TMEM135: variants seen among roughly 807,000 people sequenced by gnomAD.
TMEM135 encodes the protein transmembrane protein 135.
Under a neutral mutation model 60.3 loss-of-function variants are expected in TMEM135, and 30 were observed. The ratio of observed to expected loss-of-function variants is 0.50; its 90% CI spans 0.37 to 0.68. The LOEUF is 0.68. Among genes scored for constraint, TMEM135 ranks in the 30% least tolerant of loss-of-function variants. TMEM135 has a pLI of 0.00. For synonymous variants in TMEM135, 190 were observed against 186.7 expected, an observed-to-expected ratio of 1.02 and a Z score of -0.14; for missense variants, 468 against 548.8, an observed-to-expected ratio of 0.85 and a Z score of 1.47.
chr11:87,137,025 A>G (rs747528685), intron 4 of TMEM135, among the ~76,000 whole-genome samples: 1 of 152,082 alleles, frequency 6.6e-6, no homozygotes, highest in Non-Finnish European at 1.5e-5. Context: ...CCAGGCTCAC[A>G]TCTTTACTGA....
At chr11:87,096,174 G>GA in intron 4 of TMEM135, 1 of 263,818 alleles carries the variant, frequency 3.8e-6, no homozygotes. Context: ...TGGAAAACTA[G>GA]CAAAAGTTTT....
intron 4 of TMEM135, chr11:87,121,362 G>A (rs1274660290): frequency 6.6e-6 from 1 of 152,148 alleles, no homozygotes; most frequent in Non-Finnish European, 1.5e-5. Flanking sequence ...TCAGTATAAT[G>A]TAGAAGAATA....
At chr11:87,256,245 T>C (rs1022726016) in intron 6 of TMEM135, among the ~76,000 whole-genome samples, 1 of 152,184 alleles carries the variant, frequency 6.6e-6, no homozygotes, top group African/African-American at 2.4e-5. Flanking sequence ...TATATAAACT[T>C]ACATACCTTT....
intron 6 of TMEM135, among the ~76,000 whole-genome samples, chr11:87,281,609 CT>C (rs1942061349): frequency 6.6e-6 from 1 of 152,176 alleles, no homozygotes; most frequent in Non-Finnish European, 1.5e-5. Context: ...CAATTATATA[CT>C]TGGCGTGTAT....
intron 5 of TMEM135, among the ~76,000 whole-genome samples, chr11:87,198,615 A>T: frequency 8.1e-6 from 1 of 123,810 alleles, no homozygotes; most frequent in Non-Finnish European, 1.6e-5. Context: ...CTTCCTTTCC[A>T]TCTCCTCTTT....
intron 5 of TMEM135, among the ~76,000 whole-genome samples, chr11:87,191,124 C>T (rs1429007554): frequency 6.6e-6 from 1 of 152,154 alleles, no homozygotes; most frequent in Non-Finnish European, 1.5e-5. Context: ...CTTGACCTCT[C>T]CATAAGTTTG....
At chr11:87,282,562 G>A (rs61904505) in intron 6 of TMEM135, among the ~76,000 whole-genome samples, 52 of 152,160 alleles carry the variant, frequency 3.4e-4, no homozygotes, top group South Asian at 1.0e-3. Context: ...CACCGCATCC[G>A]GCCAACACTG....
chr11:87,046,212 C>T (rs892081542), intron 1 of TMEM135, among the ~76,000 whole-genome samples: 4 of 152,104 alleles, frequency 2.6e-5, no homozygotes, highest in African/African-American at 9.7e-5. Context: ...TCGAGACCAG[C>T]CTGGTCAAAT....
chr11:87,254,937 C>A (rs888716979), intron 6 of TMEM135, among the ~76,000 whole-genome samples: 1 of 151,922 alleles, frequency 6.6e-6, no homozygotes, highest in Non-Finnish European at 1.5e-5. Context: ...CCCAGGGGTT[C>A]GATACCAGCT....
intron 1 of TMEM135, among the ~76,000 whole-genome samples, chr11:87,066,010 G>T (rs181924127): frequency 6.6e-6 from 1 of 152,288 alleles, no homozygotes; most frequent in Admixed American, 6.5e-5. Flanking sequence ...TTTTGCCTGT[G>T]TATGAGAGTT....
intron 5 of TMEM135, among the ~76,000 whole-genome samples, chr11:87,210,168 A>G (rs931513563): frequency 6.6e-6 from 1 of 152,174 alleles, no homozygotes; most frequent in African/African-American, 2.4e-5. Flanking sequence ...CCTAAATTAG[A>G]GCTGAACTGA....
At chr11:87,040,119 G>T (rs1426356561) in intron 1 of TMEM135, among the ~76,000 whole-genome samples, 1 of 152,200 alleles carries the variant, frequency 6.6e-6, no homozygotes, top group Non-Finnish European at 1.5e-5. Flanking sequence ...AATAAAATTA[G>T]TGGGAACTGA....
At chr11:87,250,435 C>G (rs540557166) in intron 6 of TMEM135, among the ~76,000 whole-genome samples, 1 of 151,918 alleles carries the variant, frequency 6.6e-6, no homozygotes, top group Non-Finnish European at 1.5e-5. Flanking sequence ...AAACTTTTCT[C>G]TTAGTATTGC....
chr11:87,259,376 A>ATG lies in TMEM135; in HGVS notation c.509+22702_509+22703dup, dbSNP rs1158390019. ...ATGACAACACCCAGAAGGAAATTTTATGTGTGTGTGTATATGTGTATGTGT... is the reference window on the plus strand; with the variant it reads ...ATGACAACACCCAGAAGGAAATTTTATGTGTGTGTGTGTATATGTGTATGTGT... On this transcript the variant is annotated intron_variant, in intron 6 of 14. Coordinates refer to ENST00000305494, the MANE Select transcript of TMEM135 (RefSeq NM_022918.4). 6.0e-4 allele frequency: 183 copies of ATG among 304,782 alleles called. 2 individuals are homozygous for ATG. Among genetic ancestry groups the ATG allele is most frequent in the Non-Finnish European group, 9.3e-4 (143 of 153,548 alleles). 18.9% of individuals were successfully genotyped at this position (304,782 alleles called of 1,614,324 possible).
chr11:87,071,431 T>A (rs1392613705), intron 2 of TMEM135, 92 bp from the exon 3 acceptor site: 1 of 920,072 alleles, frequency 1.1e-6, no homozygotes, highest in East Asian at 2.4e-5. Flanking sequence ...TACATTTAAA[T>A]AGAGTATGGA....
intron 4 of TMEM135, among the ~76,000 whole-genome samples, chr11:87,117,736 A>G (rs1246670774): frequency 6.6e-6 from 1 of 152,142 alleles, no homozygotes; most frequent in Admixed American, 6.5e-5. Context: ...TGAGGGTGAG[A>G]ATCAGTGGCT....
At chr11:87,264,373 G>C in intron 6 of TMEM135, among the ~76,000 whole-genome samples, 1 of 150,206 alleles carries the variant, frequency 6.7e-6, no homozygotes, top group Non-Finnish European at 1.5e-5. Context: ...GAAGTAACTA[G>C]TAATCCACTA....
chr11:87,281,579 C>CAA (rs1942060346), intron 6 of TMEM135, among the ~76,000 whole-genome samples: 1 of 152,118 alleles, frequency 6.6e-6, no homozygotes, highest in South Asian at 2.1e-4. Context: ...TAAATATAAA[C>CAA]AAATACAGTT....
chr11:87,219,464 G>T (rs992537310), intron 5 of TMEM135, among the ~76,000 whole-genome samples: 17 of 152,110 alleles, frequency 1.1e-4, no homozygotes, highest in Non-Finnish European at 1.6e-4. Context: ...AGGGGGTGGT[G>T]GCGGGGCTGG....
Sources: gnomAD v4.1 joint callset for allele counts (sites outside exome capture counted in the v4.1 genomes callset) on GRCh38, gnomAD v4.1.1 for gene constraint, MANE v1.5 for transcripts, NCBI Gene and HGNC (gene_info 2026-07-23, HGNC 2026-07-21) for gene names.